LRRC27: variants seen among roughly 807,000 people sequenced by gnomAD.
The protein encoded by LRRC27 is leucine rich repeat containing 27, also known as leucine-rich repeat-containing protein 27.
In LRRC27, 57 loss-of-function variants were observed where a neutral mutation model predicts 55.0. That is an observed-to-expected ratio of 1.04 (90% CI 0.84 to 1.29). The LOEUF is 1.29. Ranked by LOEUF, LRRC27 falls within the 50% of genes most tolerant of loss-of-function variation. The probability of loss-of-function intolerance (pLI) is 0.00; values close to 1 mark genes in which losing one functional copy is unlikely to be tolerated. For missense variants in LRRC27, 721 were observed against 651.5 expected (o/e 1.11, Z -1.16); for synonymous variants, 278 against 251.9 (o/e 1.10, Z -0.98).
chr10:132,370,425 G>C (rs1031169000), intron 10 of LRRC27, among the ~76,000 whole-genome samples: 3 of 152,160 alleles, frequency 2.0e-5, no homozygotes, highest in African/African-American at 7.2e-5. Flanking sequence ...CCATGAGGTG[G>C]GTCCCTTCAC....
chr10:132,330,764 C>T (rs2138517844), upstream of LRRC27, among the ~76,000 whole-genome samples: 1 of 150,932 alleles, frequency 6.6e-6, no homozygotes, highest in Non-Finnish European at 1.5e-5. Context: ...CCCACCCTGG[C>T]CTCCCAAAGT....
At chr10:132,331,200 C>CAAAAAAAAAAA (rs35734065), upstream of LRRC27, among the ~76,000 whole-genome samples, 3 of 56,332 alleles carry the variant, frequency 5.3e-5, no homozygotes, top group Non-Finnish European at 9.7e-5. Flanking sequence ...GACTCCACCT[C>CAAAAAAAAAAA]AAAAAAAAAA....
rs144977774 is a variant in LRRC27, at chr10:132,364,766, G to A, written c.1290-658G>A. 9.3e-3 allele frequency among the ~76,000 whole-genome samples: 74 copies of A among 7,960 alleles called. 1 individual carries two copies. The highest frequency in any genetic ancestry group is 0.04 in the Admixed American group (57 of 1,432). 5.2% of individuals were successfully genotyped at this position (7,960 alleles called of 152,430 possible). ...CCTCCACGCCCACACTTACACTCAT[G>A]CTTACATCTACCTCCACGCCCACAC... On this transcript the variant is annotated intron_variant, in intron 9 of 10. Coordinates refer to ENST00000368614, the MANE Select transcript of LRRC27 (RefSeq NM_030626.3).
intron 10 of LRRC27, chr10:132,366,803 C>A: frequency 8.2e-7 from 1 of 1,218,478 alleles, no homozygotes; most frequent in South Asian, 1.4e-5. Flanking sequence ...ACCCCATCTG[C>A]AGGCTCCATT....
intron 6 of LRRC27, among the ~76,000 whole-genome samples, chr10:132,349,350 A>G (rs1485010102): frequency 6.6e-6 from 1 of 152,170 alleles, no homozygotes; most frequent in Non-Finnish European, 1.5e-5. Flanking sequence ...CATGGCCCTG[A>G]TCTTTCAGCT....
intron 9 of LRRC27, 124 bp from the exon 10 acceptor site, chr10:132,365,300 G>T (rs1207023334): frequency 1.5e-6 from 2 of 1,298,922 alleles, no homozygotes; most frequent in Non-Finnish European, 2.2e-6. Flanking sequence ...AGCTGTGCGG[G>T]AGCCTCAGGA....
At chr10:132,355,568 C>T (rs746162034) in intron 7 of LRRC27, among the ~76,000 whole-genome samples, 5 of 152,194 alleles carry the variant, frequency 3.3e-5, no homozygotes, top group African/African-American at 4.8e-5. Flanking sequence ...CTGGCAGCAC[C>T]GACACACAGA....
chr10:132,361,354 C>G (rs2068607184), intron 8 of LRRC27, 103 bp from the exon 9 acceptor site: 3 of 1,009,220 alleles, frequency 3.0e-6, no homozygotes, highest in Non-Finnish European at 4.7e-6. Context: ...TCGGACCCAC[C>G]TCTTCGTGGA....
chr10:132,336,281 C>G (rs975228410), intron 2 of LRRC27, among the ~76,000 whole-genome samples: 6 of 152,154 alleles, frequency 3.9e-5, no homozygotes, highest in African/African-American at 1.4e-4. Context: ...AAAGGCAGCA[C>G]GTGGAGGCAT....
At chr10:132,342,548 A>G (rs1191802416) in intron 4 of LRRC27, among the ~76,000 whole-genome samples, 1 of 152,106 alleles carries the variant, frequency 6.6e-6, no homozygotes, top group Non-Finnish European at 1.5e-5. Flanking sequence ...CCCCGCACAC[A>G]CCTCTGCAGG....
chr10:132,333,070 A>G (rs1384513458), intron 1 of LRRC27, among the ~76,000 whole-genome samples: 1 of 152,206 alleles, frequency 6.6e-6, no homozygotes, highest in Non-Finnish European at 1.5e-5. Flanking sequence ...TCAAGAAACT[A>G]AAAACATAGT....
chr10:132,346,180 C>T (rs1039461885), intron 5 of LRRC27, among the ~76,000 whole-genome samples: 1 of 152,198 alleles, frequency 6.6e-6, no homozygotes, highest in African/African-American at 2.4e-5. Context: ...GGGCCAGGCA[C>T]CAGCGGCTGC....
At chr10:132,344,137 G>A (rs1413064812) in intron 4 of LRRC27, among the ~76,000 whole-genome samples, 1 of 152,206 alleles carries the variant, frequency 6.6e-6, no homozygotes, top group Non-Finnish European at 1.5e-5. Flanking sequence ...GTTCCTGAGT[G>A]TAGGGTACAT....
chr10:132,336,833 G>A lies in LRRC27; in HGVS notation c.211-732G>A, dbSNP rs76281541. 3,610 of 753,288 alleles carry A rather than the reference G, an allele frequency of 4.8e-3. 77 individuals are homozygous for A. In the African/African-American group the frequency reaches 0.052, roughly 11 times the overall value. 46.7% of individuals were successfully genotyped at this position (753,288 alleles called of 1,614,324 possible). ...GATATAAATACATATAATAATGTGA[G>A]TATAAACAACTAGCAGCATTAATGA... is the stretch of plus-strand genomic sequence containing the variant. On this transcript the variant is annotated intron_variant, in intron 2 of 10. Coordinates refer to ENST00000368614, the MANE Select transcript of LRRC27 (RefSeq NM_030626.3).
intron 10 of LRRC27, among the ~76,000 whole-genome samples, chr10:132,371,079 C>T (rs891516814): frequency 6.6e-6 from 1 of 152,282 alleles, no homozygotes. Flanking sequence ...AGAGAACCAT[C>T]TAAGTTCACA....
chr10:132,364,783 C>G, intron 9 of LRRC27, among the ~76,000 whole-genome samples: 2 of 123,692 alleles, frequency 1.6e-5, no homozygotes, highest in Admixed American at 1.5e-4. Flanking sequence ...TCTACCTCCA[C>G]GCCCACACTC....
intron 10 of LRRC27, among the ~76,000 whole-genome samples, chr10:132,367,429 C>A (rs1202180024): frequency 2.0e-5 from 3 of 152,150 alleles, no homozygotes; most frequent in African/African-American, 7.2e-5. Context: ...ATACCAAAAC[C>A]ATACAAAGAT....
chr10:132,352,410 C>T (rs1433160823), intron 7 of LRRC27, among the ~76,000 whole-genome samples: 2 of 107,590 alleles, frequency 1.9e-5, no homozygotes, highest in Non-Finnish European at 1.9e-5. Flanking sequence ...TGTTTGTAGC[C>T]CCGAGGCCTC....
At chr10:132,335,632 C>T (rs913004193) in intron 2 of LRRC27, among the ~76,000 whole-genome samples, 3 of 150,992 alleles carry the variant, frequency 2.0e-5, no homozygotes, top group Admixed American at 1.3e-4. Flanking sequence ...AGGGGCTGTA[C>T]GGTGCAGGTT....
Sources: gnomAD v4.1 joint callset for allele counts (sites outside exome capture counted in the v4.1 genomes callset) on GRCh38, gnomAD v4.1.1 for gene constraint, MANE v1.5 for transcripts, NCBI Gene and HGNC (gene_info 2026-07-23, HGNC 2026-07-21) for gene names.